The following CARS2 variants were observed in gnomAD, a reference collection of about 807,000 sequenced individuals.
CARS2 encodes the protein cysteinyl-tRNA synthetase 2, mitochondrial, also known as probable cysteine--tRNA ligase, mitochondrial.
A neutral mutation model predicts 68.8 loss-of-function variants in CARS2; 52 were observed. The ratio of observed to expected loss-of-function variants is 0.76; its 90% CI spans 0.61 to 0.95. The LOEUF (loss-of-function observed/expected upper bound fraction) is 0.95. CARS2 is among the 40% of genes least tolerant of loss of function. CARS2 has a pLI of 0.00. For missense variants in CARS2, 780 were observed against 754.2 expected (o/e 1.03, Z -0.40); for synonymous variants, 314 against 303.6 (o/e 1.03, Z -0.36).
At chr13:110,650,864 G>A (rs1241118929) in intron 10 of CARS2, 170 bp downstream of exon 10, 1 of 576,132 alleles carries the variant, frequency 1.7e-6, no homozygotes, top group South Asian at 2.1e-5. Context: ...GACCAGCACT[G>A]GGATCCCTCG....
intron 9 of CARS2, among the ~76,000 whole-genome samples, chr13:110,662,269 C>G (rs1321939284): frequency 6.8e-6 from 1 of 147,902 alleles, no homozygotes; most frequent in Non-Finnish European, 1.5e-5. Context: ...CATGCAACCC[C>G]GTGGCCGGGC....
intron 3 of CARS2, 105 bp downstream of exon 3, chr13:110,701,333 G>A: frequency 4.6e-6 from 3 of 656,648 alleles, no homozygotes; most frequent in East Asian, 5.2e-5. Flanking sequence ...CAAAGTGCTG[G>A]GATTACAGGC....
At chr13:110,655,227 C>T (rs2062334757) in intron 9 of CARS2, among the ~76,000 whole-genome samples, 1 of 150,502 alleles carries the variant, frequency 6.6e-6, no homozygotes, top group Non-Finnish European at 1.5e-5. Flanking sequence ...CTGCAGAGTA[C>T]AGGTCTCACA....
exon 1 of CARS2, chr13:110,713,182 G>C (rs1215392734): frequency 7.0e-7 from 1 of 1,424,884 alleles, no homozygotes; most frequent in Non-Finnish European, 9.1e-7. Context: ...TCAAAGTGAT[G>C]TTGGCAAGTA....
chr13:110,709,573 T>C (rs1014088445), upstream of CARS2, among the ~76,000 whole-genome samples: 1 of 152,176 alleles, frequency 6.6e-6, no homozygotes, highest in Non-Finnish European at 1.5e-5. Flanking sequence ...AGCCTACATC[T>C]TTCTCCTGTG....
At chr13:110,657,728 T>C (rs934799731) in intron 9 of CARS2, among the ~76,000 whole-genome samples, 8 of 152,182 alleles carry the variant, frequency 5.3e-5, no homozygotes, top group African/African-American at 1.7e-4. Flanking sequence ...TCTAAAACCA[T>C]AGGGTGGAAG....
chr13:110,669,624 C>T (rs7336158), intron 7 of CARS2, among the ~76,000 whole-genome samples: 21,469 of 152,098 alleles, frequency 0.14, 1,638 homozygotes, highest in Middle Eastern at 0.17. Flanking sequence ...GGAACAGCTC[C>T]AGTCTACAGC....
intron 13 of CARS2, chr13:110,643,278 T>C (rs897825244): frequency 6.3e-6 from 1 of 158,302 alleles, no homozygotes; most frequent in Non-Finnish European, 1.4e-5. Flanking sequence ...CTTTTCTTAC[T>C]CAAAACAGAC....
rs1425910823 is a variant in CARS2 at position 110,653,199 on chromosome 13, ATGTGTGTGTGTGTGTT to A, written c.988-2115_988-2100del. ...CTGGGGTGGGGAGGGGGGCTGGGGT[ATGTGTGTGTGTGTGTT>A]TGTGTGTGTGTGTGTGAAGAGCCCC... On this transcript the variant is annotated intron_variant, in intron 9 of 14. Transcript: ENST00000257347. This position sits in a 1 kb window ranked among gnomAD's most constrained non-coding sequence, Gnocchi z 5.6. 5.4e-5 allele frequency among the ~76,000 whole-genome samples: 8 copies of A among 148,836 alleles called. No individual in the cohort carries two copies. The highest frequency in any genetic ancestry group is 7.5e-5 in the African/African-American group (3 of 39,842).
chr13:110,712,911 G>T, intron 1 of CARS2: 1 of 1,540,720 alleles, frequency 6.5e-7, no homozygotes. Flanking sequence ...AAGGGAGGGC[G>T]GTGACGGATG....
At chr13:110,709,391 G>A (rs1306259970), upstream of CARS2, among the ~76,000 whole-genome samples, 6 of 152,070 alleles carry the variant, frequency 3.9e-5, no homozygotes, top group Non-Finnish European at 7.4e-5. Context: ...ACCGTGCCCG[G>A]CAGCTAATTC....
chr13:110,652,909 C>T (rs201584294), intron 9 of CARS2, among the ~76,000 whole-genome samples: 7 of 152,070 alleles, frequency 4.6e-5, no homozygotes, highest in East Asian at 1.9e-4. Flanking sequence ...AGGCAGCAAA[C>T]GCATCTGGAA....
intron 10 of CARS2, 63 bp from the exon 11 acceptor site, chr13:110,647,302 G>A (rs1888273433): frequency 1.3e-6 from 2 of 1,566,072 alleles, no homozygotes; most frequent in African/African-American, 1.3e-5. Flanking sequence ...CCCTGGTCCA[G>A]CAGAATCAGT....
chr13:110,706,263 C>A, upstream of CARS2: 1 of 408,104 alleles, frequency 2.5e-6, no homozygotes, highest in Non-Finnish European at 4.0e-6. Context: ...CTCGAGTCGC[C>A]CGCGGCAAGG....
chr13:110,665,641 G>A lies in CARS2; in HGVS notation c.919+1699C>T. The stretch of plus-strand genomic sequence containing the variant: ...TGTCAGTAACAAACCCTGACCTACT[G>A]AACAGGATAAACCTGCAGACAGAAA... On this transcript the variant is annotated intron_variant, in intron 8 of 14. Transcript: ENST00000257347. The surrounding 1 kb of genome is among the most constrained non-coding windows in gnomAD (Gnocchi z 4.3). 1.0e-6 allele frequency: 1 copy of A among 985,390 alleles called. No homozygotes were observed. Among genetic ancestry groups the A allele is most frequent in the Non-Finnish European group, 1.2e-6 (1 of 829,942 alleles). The allele number at this position is 985,390 out of a possible 1,614,324, so 61.0% of individuals were successfully genotyped here. A position where few individuals can be genotyped will look rare whatever the true frequency, so the allele number is the denominator to read the frequency against.
chr13:110,650,126 C>T (rs914052579), intron 10 of CARS2: 1 of 151,678 alleles, frequency 6.6e-6, no homozygotes, highest in African/African-American at 2.4e-5. Context: ...CAGATGGAGT[C>T]TTGCTCAGCC....
Position 110,642,715 on chromosome 13 carries a change from C to T in CARS2, c.1417-194G>A, listed in dbSNP as rs758018016. On this transcript the variant is annotated intron_variant, in intron 13 of 14. Coordinates refer to ENST00000257347, the MANE Select transcript of CARS2 (RefSeq NM_024537.4). Reference sequence around the variant, plus strand: ...GCGCTGGGCTCTGGGCAAGGCTCCACTCAACTCTGAGCATCTGTCGTCCAA... The same window carrying T: ...GCGCTGGGCTCTGGGCAAGGCTCCATTCAACTCTGAGCATCTGTCGTCCAA... 15 of 760,878 alleles carry T rather than the reference C, an allele frequency of 2.0e-5. No homozygotes were observed. In the African/African-American group the frequency reaches 2.4e-4, roughly 12 times the overall value. The allele number at this position is 760,878 out of a possible 1,614,324, so 47.1% of individuals were successfully genotyped here. A position where few individuals can be genotyped will look rare whatever the true frequency, so the allele number is the denominator to read the frequency against.
chr13:110,649,638 C>G (rs1311890020), intron 10 of CARS2, among the ~76,000 whole-genome samples: 1 of 152,178 alleles, frequency 6.6e-6, no homozygotes, highest in Non-Finnish European at 1.5e-5. Context: ...CAATTTGGAG[C>G]AAGAGAGCTA....
At chr13:110,656,020 T>C (rs2062356734) in intron 9 of CARS2, among the ~76,000 whole-genome samples, 1 of 152,130 alleles carries the variant, frequency 6.6e-6, no homozygotes, top group African/African-American at 2.4e-5. Context: ...TAAAAGTAAA[T>C]TGGGACTGGA....
Sources: gnomAD v4.1 joint callset for allele counts (sites outside exome capture counted in the v4.1 genomes callset) on GRCh38, gnomAD v4.1.1 for gene constraint, Gnocchi (gnomAD v3.1) non-coding constraint, MANE v1.5 for transcripts, NCBI Gene and HGNC (gene_info 2026-07-23, HGNC 2026-07-21) for gene names.